FANCD2: variants seen among roughly 807,000 people sequenced by gnomAD.
FANCD2 encodes the protein FA complementation group D2, also known as Fanconi anemia group D2 protein.
Under a neutral mutation model 192.3 loss-of-function variants are expected in FANCD2, and 131 were observed. That is an observed-to-expected ratio of 0.68 (90% CI 0.59 to 0.79). FANCD2 has a LOEUF of 0.79. Ranked by LOEUF, FANCD2 falls within the 30% of genes least tolerant of loss-of-function variation. FANCD2 has a pLI of 0.00. For missense variants in FANCD2, 1,508 were observed against 1,701.6 expected (o/e 0.89, Z 2.00); for synonymous variants, 524 against 612.5 (o/e 0.86, Z 2.13).
In FANCD2 at chr3:10,067,255, A is replaced by G. The variant is rs199563234; in HGVS notation, c.2432A>G (p.Lys811Arg). Residue 811 changes from lysine to arginine, a missense_variant, in exon 26 of 44, where the codon AAG becomes AGG. Transcript: ENST00000675286. The stretch of plus-strand genomic sequence containing the variant: ...GAAACATCACCTGAGATGAAGGGGA[A>G]GGTGCTCACTCGGTTAAAGCACATT... Reference protein sequence around the residue: ...CQETSPEMKGKVLTRLKHIVE... With the variant: ...CQETSPEMKGRVLTRLKHIVE... 6 of 1,613,908 alleles carry G rather than the reference A, an allele frequency of 3.7e-6. No homozygotes were observed. In the African/African-American group the frequency reaches 6.7e-5, roughly 18 times the overall value.
At chr3:10,082,176 C>T (rs1270049201) in intron 32 of FANCD2, among the ~76,000 whole-genome samples, 1 of 152,212 alleles carries the variant, frequency 6.6e-6, no homozygotes, top group Non-Finnish European at 1.5e-5. Context: ...AATGGTACCA[C>T]CAGTTGCCTG....
intron 42 of FANCD2, 94 bp from the exon 43 acceptor site, chr3:10,098,626 C>T (rs1272779006): frequency 6.8e-7 from 1 of 1,477,898 alleles, no homozygotes; most frequent in Non-Finnish European, 9.2e-7. Flanking sequence ...GCTAAAATAT[C>T]TTCCTTTGTA....
At chr3:10,059,712 A>G (rs1382152605) in intron 18 of FANCD2, among the ~76,000 whole-genome samples, 1 of 152,052 alleles carries the variant, frequency 6.6e-6, no homozygotes, top group Non-Finnish European at 1.5e-5. Context: ...AGGCTGAGGC[A>G]GGAGAATGGC....
intron 30 of FANCD2, among the ~76,000 whole-genome samples, chr3:10,079,564 A>C (rs369205123): frequency 6.6e-5 from 10 of 151,988 alleles, no homozygotes; most frequent in African/African-American, 2.4e-4. Context: ...TCGGCCTCCC[A>C]ATCCGCCCAC....
chr3:10,046,983 T>C (rs77015110), intron 15 of FANCD2, among the ~76,000 whole-genome samples: 3 of 151,504 alleles, frequency 2.0e-5, no homozygotes, highest in African/African-American at 7.3e-5. Flanking sequence ...TGTAAATATG[T>C]ACCTATTTGA....
At chr3:10,053,178 C>A (rs1255179980) in intron 18 of FANCD2, among the ~76,000 whole-genome samples, 4 of 148,604 alleles carry the variant, frequency 2.7e-5, no homozygotes, top group Non-Finnish European at 6.0e-5. Flanking sequence ...CACATATACA[C>A]CATGGAATAC....
At chr3:10,094,735 A>C in intron 40 of FANCD2, 2 of 324,376 alleles carry the variant, frequency 6.2e-6, no homozygotes, top group Admixed American at 9.1e-5. Context: ...TTGTGTCATA[A>C]AACCCTTTGC....
intron 16 of FANCD2, among the ~76,000 whole-genome samples, chr3:10,048,969 C>G (rs1375285077): frequency 6.6e-6 from 1 of 152,100 alleles, no homozygotes; most frequent in East Asian, 1.9e-4. Flanking sequence ...ACATGCAAGT[C>G]TAGCCTGTAC....
chr3:10,073,449 GA>G (rs914435945), intron 28 of FANCD2, 87 bp downstream of exon 28: 171 of 1,089,536 alleles, frequency 1.6e-4, no homozygotes, highest in South Asian at 3.1e-4. Flanking sequence ...ATTTTACAAA[GA>G]AAAAAAAATT....
In FANCD2 at chr3:10,043,536, G is replaced by C; in HGVS notation, c.1042G>C (p.Asp348His). Residue 348 changes from aspartate (D) to histidine (H), a missense_variant, in exon 13 of 44, where the codon GAT becomes CAT. Physicochemically the swap from Asp to His is moderately conservative, Grantham distance 81 (BLOSUM62 -1). Coordinates refer to ENST00000675286, the MANE Select transcript of FANCD2 (RefSeq NM_001018115.3). ...SGQSCIILLF[D>H]VIKSAIRYEK... ...TCAGAGCTGTATTATTCTCCTCTTT[G>C]ATGTAATAAAGTCAGCTATTAGATA... is the stretch of plus-strand genomic sequence containing the variant. The C allele has an allele frequency of 1.9e-6, 3 of 1,613,864 alleles. No individual in the cohort carries two copies. Among genetic ancestry groups the C allele is most frequent in the East Asian group, 4.5e-5 (2 of 44,870 alleles).
rs561823138 is a variant in FANCD2 at position 10,031,329 on chromosome 3, C to T, written c.65-1503C>T. On this transcript the variant is annotated intron_variant, in intron 2 of 43. Transcript: ENST00000675286. ...CCATCTTGGCTAACATGGTGAAACC[C>T]CGTCTCTACTAAAAATACAAAAAAT... 1.2e-4 allele frequency among the ~76,000 whole-genome samples: 18 copies of T among 152,106 alleles called. 1 individual carries two copies. In the East Asian group the frequency reaches 1.9e-3, roughly 16 times the overall value.
At chr3:10,086,460 A>G (rs771969488) in intron 33 of FANCD2, among the ~76,000 whole-genome samples, 7 of 151,874 alleles carry the variant, frequency 4.6e-5, no homozygotes, top group Non-Finnish European at 8.8e-5. Flanking sequence ...GTCAGTGCTT[A>G]TCATCCCTGT....
Position 10,074,640 on chromosome 3 carries a change from G to A in FANCD2, c.2826G>A (p.Thr942=), listed in dbSNP as rs200118565. The A allele has an allele frequency of 1.0e-4, 162 of 1,613,768 alleles. No individual in the cohort carries two copies. Among genetic ancestry groups the A allele is most frequent in the Middle Eastern group, 1.7e-4 (1 of 6,058 alleles). The change falls in exon 29 of 44, where the codon ACG becomes ACA. Residue 942 remains threonine (T), a synonymous_variant. Transcript: ENST00000675286. ...CTATTCTACATTGTGGACTTGTGAC[G>A]AAGTTCATCTTAGATACTGAAATGC... is the stretch of plus-strand genomic sequence containing the variant. ...VFSILHCGLV[T]KFILDTEMHT... is the part of the protein sequence containing the mutation.
intron 17 of FANCD2, among the ~76,000 whole-genome samples, chr3:10,051,554 G>GA (rs1159486115): frequency 9.2e-5 from 14 of 152,078 alleles, no homozygotes; most frequent in Non-Finnish European, 1.5e-4. Flanking sequence ...GGAAGCCAGA[G>GA]AGCAGTAACT....
chr3:10,077,699 G>A (rs1283381672), intron 29 of FANCD2, among the ~76,000 whole-genome samples: 4 of 152,056 alleles, frequency 2.6e-5, no homozygotes, highest in African/African-American at 9.7e-5. Flanking sequence ...ACCAGCCTGG[G>A]CAACAAAGTG....
chr3:10,071,139 G>GAAAAAAAAAAAAAAAAAAAAAAAA (rs1210612879), intron 26 of FANCD2, among the ~76,000 whole-genome samples: 1 of 115,480 alleles, frequency 8.7e-6, no homozygotes. Flanking sequence ...AAAAAAAAAA[G>GAAAAAAAAAAAAAAAAAAAAAAAA]AAAAAAAGAA....
At chr3:10,052,749 T>G (rs1317790139) in intron 18 of FANCD2, among the ~76,000 whole-genome samples, 2 of 151,742 alleles carry the variant, frequency 1.3e-5, no homozygotes, top group Admixed American at 1.3e-4. Context: ...AAAGAAGACA[T>G]TTATGCAGCC....
chr3:10,038,579 C>CTTTTTTTTTT (rs573306335), intron 7 of FANCD2, among the ~76,000 whole-genome samples: 1 of 128,958 alleles, frequency 7.8e-6, no homozygotes, highest in African/African-American at 3.1e-5. Flanking sequence ...TATATGCTTG[C>CTTTTTTTTTT]TTTTTTTTTT....
At chr3:10,070,355 C>A (rs1248862188) in intron 26 of FANCD2, among the ~76,000 whole-genome samples, 4 of 147,302 alleles carry the variant, frequency 2.7e-5, no homozygotes, top group Admixed American at 2.0e-4. Flanking sequence ...GCCAGGCCAG[C>A]CGCCCCGTCC....
Sources: gnomAD v4.1 joint callset for allele counts (sites outside exome capture counted in the v4.1 genomes callset) on GRCh38, gnomAD v4.1.1 for gene constraint, MANE v1.5 for transcripts, NCBI Gene and HGNC (gene_info 2026-07-23, HGNC 2026-07-21) for gene names.